FAF1: variants seen among roughly 807,000 people sequenced by gnomAD.
The protein encoded by FAF1 is Fas associated factor 1.
FAF1 carries 25 observed loss-of-function variants against 92.5 expected under a neutral mutation model. That is an observed-to-expected ratio of 0.27 (90% CI 0.20 to 0.38). The LOEUF is 0.38. FAF1 is among the 10% of genes least tolerant of loss of function. The probability of loss-of-function intolerance (pLI) is 1.00; values close to 1 mark genes in which losing one functional copy is unlikely to be tolerated. For missense variants in FAF1, 636 were observed against 793.3 expected (o/e 0.80, Z 2.38); for synonymous variants, 234 against 273.2 (o/e 0.86, Z 1.42).
At chr1:50,855,619 T>C (rs1348654333) in intron 2 of FAF1, among the ~76,000 whole-genome samples, 2 of 151,770 alleles carry the variant, frequency 1.3e-5, no homozygotes, top group Admixed American at 6.6e-5. Context: ...TACTGAAAAG[T>C]TTAAACTAGT....
intron 13 of FAF1, among the ~76,000 whole-genome samples, chr1:50,540,785 A>G (rs1648722256): frequency 6.6e-6 from 1 of 152,234 alleles, no homozygotes; most frequent in Non-Finnish European, 1.5e-5. Context: ...ATGCTTTAAT[A>G]AGATCCAATT....
chr1:50,813,437 T>C (rs1643935710), intron 2 of FAF1, among the ~76,000 whole-genome samples: 1 of 152,128 alleles, frequency 6.6e-6, no homozygotes, highest in African/African-American at 2.4e-5. Flanking sequence ...GATCTTACTA[T>C]ATGTGCTATT....
At chr1:50,764,019 TGGA>T (rs1022100201) in intron 4 of FAF1, among the ~76,000 whole-genome samples, 21 of 152,134 alleles carry the variant, frequency 1.4e-4, no homozygotes, top group African/African-American at 4.6e-4. Context: ...ACAGAATAAA[TGGA>T]GGAGGAGATA....
chr1:50,765,451 C>T lies in FAF1; in HGVS notation c.368-20676G>A, dbSNP rs146231469. Among the ~76,000 whole-genome samples the T allele has an allele frequency of 5.9e-5, 9 of 152,136 alleles. 1 individual carries two copies. The East Asian group carries it at 1.7e-3, about 29-fold the overall frequency. On this transcript the variant is annotated intron_variant, in intron 4 of 18. Coordinates refer to ENST00000396153, the MANE Select transcript of FAF1 (RefSeq NM_007051.3). The stretch of plus-strand genomic sequence containing the variant: ...AACCTTCATAATTTCTAGAAGGCAA[C>T]TAAACATTAAGGATAGGGGACTCTG...
chr1:50,916,797 A>G (rs1644921889), intron 1 of FAF1, among the ~76,000 whole-genome samples: 2 of 152,376 alleles, frequency 1.3e-5, no homozygotes, highest in African/African-American at 4.8e-5. Flanking sequence ...TTAGCAAAGG[A>G]CAGAATTAAT....
At chr1:50,881,761 C>A (rs972880910) in intron 1 of FAF1, among the ~76,000 whole-genome samples, 5 of 152,172 alleles carry the variant, frequency 3.3e-5, no homozygotes, top group Non-Finnish European at 2.9e-5. Flanking sequence ...ACACTTGAAT[C>A]TTATTTCATC....
At position 50,521,885 on chromosome 1, in the gene FAF1, C is replaced by T. The variant is rs139582543; in HGVS notation, c.1494+13484G>A. On this transcript the variant is annotated intron_variant, in intron 15 of 18. Transcript: ENST00000396153. ...AAAAGGGAAAAATGTGGAGGGCTGG[C>T]TCTGAACAGGTGTGCTGAATTGTAA... Among the ~76,000 whole-genome samples, 6 of 152,292 alleles carry T rather than the reference C, an allele frequency of 3.9e-5. No individual in the cohort carries two copies. In the East Asian group the frequency reaches 1.2e-3, roughly 29 times the overall value.
At chr1:50,801,862 T>G (rs904979517) in intron 2 of FAF1, among the ~76,000 whole-genome samples, 185 bp from the exon 3 acceptor site, 1 of 152,208 alleles carries the variant, frequency 6.6e-6, no homozygotes, top group African/African-American at 2.4e-5. Flanking sequence ...AAATTGTATT[T>G]TAGAAAATTT....
chr1:50,934,216 CTTCT>C (rs919303893), intron 1 of FAF1, among the ~76,000 whole-genome samples: 1 of 152,174 alleles, frequency 6.6e-6, no homozygotes, highest in Non-Finnish European at 1.5e-5. Context: ...CCTTACAATA[CTTCT>C]TTCCTTTCTG....
intron 8 of FAF1, chr1:50,606,843 T>A (rs17387684): frequency 0.051 from 7,786 of 152,110 alleles, 276 homozygotes; most frequent in Non-Finnish European, 0.074. Context: ...ATATCACTCA[T>A]TACCTGCTTA....
At chr1:50,911,047 A>C (rs1348369732) in intron 1 of FAF1, among the ~76,000 whole-genome samples, 2 of 151,138 alleles carry the variant, frequency 1.3e-5, no homozygotes, top group Non-Finnish European at 3.0e-5. Flanking sequence ...GGTAACCACT[A>C]TCCGGAATTT....
chr1:50,762,776 T>G (rs547479309), intron 4 of FAF1, among the ~76,000 whole-genome samples: 1 of 152,092 alleles, frequency 6.6e-6, no homozygotes, highest in East Asian at 1.9e-4. Context: ...GACATAGGCA[T>G]GGGCAAGGAC....
chr1:50,879,113 T>C (rs919031480), intron 1 of FAF1, among the ~76,000 whole-genome samples: 1 of 152,088 alleles, frequency 6.6e-6, no homozygotes, highest in Non-Finnish European at 1.5e-5. Context: ...GGGTGTATGG[T>C]GGGCACCTGT....
chr1:50,689,993 CTTTT>C (rs1159221059), intron 7 of FAF1, among the ~76,000 whole-genome samples: 2 of 122,334 alleles, frequency 1.6e-5, no homozygotes, highest in Admixed American at 8.4e-5. Context: ...CATTATATTT[CTTTT>C]TTTTTTTTTT....
rs550592832 is a variant in FAF1, at chr1:50,601,641, C to T, written c.745-5425G>A. On this transcript the variant is annotated intron_variant, in intron 8 of 18. Coordinates refer to ENST00000396153, the MANE Select transcript of FAF1 (RefSeq NM_007051.3). ...AGGTTGCAGTGAGCTGAGATTGAGC[C>T]GCTGCACTCCAGCCTGGGTGAGACT... is the stretch of plus-strand genomic sequence containing the variant. 5.2e-4 allele frequency among the ~76,000 whole-genome samples: 79 copies of T among 151,990 alleles called. 1 individual carries two copies. The highest frequency in any genetic ancestry group is 4.0e-3 in the South Asian group (19 of 4,800).
chr1:50,506,831 A>G (rs187697908), intron 15 of FAF1, among the ~76,000 whole-genome samples: 21 of 152,346 alleles, frequency 1.4e-4, no homozygotes, highest in Non-Finnish European at 2.9e-4. Context: ...GAAAAAAGGA[A>G]AAAAAGCTAA....
chr1:50,687,252 A>G (rs1300030452), intron 7 of FAF1, among the ~76,000 whole-genome samples: 1 of 151,288 alleles, frequency 6.6e-6, no homozygotes, highest in Non-Finnish European at 1.5e-5. Flanking sequence ...TCTCCATTTC[A>G]TATTTAGTTT....
At chr1:50,863,097 T>C (rs532477580) in intron 1 of FAF1, among the ~76,000 whole-genome samples, 120 of 152,140 alleles carry the variant, frequency 7.9e-4, no homozygotes, top group African/African-American at 2.7e-3. Flanking sequence ...TTCTCCAAGA[T>C]AGGTCATATG....
At chr1:50,609,033 G>C (rs1270184468) in intron 8 of FAF1, among the ~76,000 whole-genome samples, 5 of 152,226 alleles carry the variant, frequency 3.3e-5, no homozygotes, top group African/African-American at 7.2e-5. Context: ...CAGACAGACA[G>C]TACTATAAGT....
Sources: gnomAD v4.1 joint callset for allele counts (sites outside exome capture counted in the v4.1 genomes callset) on GRCh38, gnomAD v4.1.1 for gene constraint, MANE v1.5 for transcripts, NCBI Gene and HGNC (gene_info 2026-07-23, HGNC 2026-07-21) for gene names.